The following IL15 variants were observed in gnomAD, a reference collection of about 807,000 sequenced individuals.
IL15 encodes the protein interleukin-15.
Under a neutral mutation model 19.6 loss-of-function variants are expected in IL15, and 11 were observed. The observed-to-expected ratio is 0.56, with a 90% CI of 0.35 to 0.93. The LOEUF (loss-of-function observed/expected upper bound fraction) is 0.93. IL15 is among the 40% of genes least tolerant of loss of function. The pLI is 0.01. For synonymous variants in IL15, 58 were observed against 59.6 expected, an observed-to-expected ratio of 0.97 and a Z score of 0.12; for missense variants, 197 against 186.5, an observed-to-expected ratio of 1.06 and a Z score of -0.33.
intron 7 of IL15, among the ~76,000 whole-genome samples, chr4:141,731,740 A>C (rs35514738): frequency 0.11 from 16,883 of 152,292 alleles, 1,553 homozygotes; most frequent in East Asian, 0.41. Flanking sequence ...GAAATATGAC[A>C]GTGCTTGGCA....
chr4:141,680,513 ATAAAG>A (rs1318380263), intron 2 of IL15, among the ~76,000 whole-genome samples: 5 of 152,146 alleles, frequency 3.3e-5, no homozygotes, highest in East Asian at 3.9e-4. Context: ...TGTCTTGGCT[ATAAAG>A]TAAAGTTCCA....
intron 3 of IL15, 95 bp downstream of exon 3, chr4:141,719,571 CA>C: frequency 1.0e-6 from 1 of 1,000,810 alleles, no homozygotes; most frequent in Non-Finnish European, 1.5e-6. Context: ...GGTTATTCTC[CA>C]AAGATCTTGA....
chr4:141,695,415 C>CT (rs1374643028), intron 2 of IL15, among the ~76,000 whole-genome samples: 1 of 149,518 alleles, frequency 6.7e-6, no homozygotes, highest in Non-Finnish European at 1.5e-5. Flanking sequence ...ACACTTCATT[C>CT]TTTTTATGAC....
intron 2 of IL15, among the ~76,000 whole-genome samples, chr4:141,669,730 G>A (rs563078628): frequency 1.3e-5 from 2 of 151,172 alleles, no homozygotes; most frequent in East Asian, 1.9e-4. Context: ...AAAATATTTC[G>A]GTCTTTGTGG....
chr4:141,673,502 G>T (rs1728242117), intron 2 of IL15, among the ~76,000 whole-genome samples: 1 of 151,992 alleles, frequency 6.6e-6, no homozygotes, highest in South Asian at 2.1e-4. Flanking sequence ...TACCTACTTT[G>T]ACTATATCTT....
At chr4:141,671,206 C>G (rs745704563) in intron 2 of IL15, among the ~76,000 whole-genome samples, 12 of 152,144 alleles carry the variant, frequency 7.9e-5, no homozygotes, top group Non-Finnish European at 1.6e-4. Context: ...TGTGGGAACA[C>G]TTATTACTTA....
In IL15 at chr4:141,733,856, CA is replaced by C. The variant is rs1299501088; in HGVS notation, c.*1009del. ...AAAAACCCTGTTGATTTGTTGGAGC[CA>C]TTGTTATCTGACAGAAAATAATTGT... On this transcript the variant is annotated 3_prime_UTR_variant, in exon 8 of 8. Transcript: ENST00000320650. 2 of 152,086 alleles carry C rather than the reference CA, an allele frequency of 1.3e-5. No individual in the cohort carries two copies. The highest frequency in any genetic ancestry group is 2.9e-5 in the Non-Finnish European group (2 of 68,006). The allele number at this position is 152,086 out of a possible 1,614,324, so 9.4% of individuals were successfully genotyped here.
At chr4:141,723,206 A>G (rs933953718) in intron 5 of IL15, among the ~76,000 whole-genome samples, 1 of 152,216 alleles carries the variant, frequency 6.6e-6, no homozygotes, top group Non-Finnish European at 1.5e-5. Context: ...AATGGGTTGA[A>G]TAGTGTCCCC....
rs1726925752 is a variant in IL15, at chr4:141,638,212, A to G, written c.-222+1464A>G. Among the ~76,000 whole-genome samples the G allele has an allele frequency of 2.0e-5, 3 of 152,220 alleles. No homozygotes were observed. The South Asian group carries it at 6.2e-4, about 32-fold the overall frequency. ...AGACATATAAAGAGAAGAACTGAAA[A>G]TACAGCAAAAGCCATTTAGATTTAA... On this transcript the variant is annotated intron_variant, in intron 1 of 7. Coordinates refer to ENST00000320650, the MANE Select transcript of IL15 (RefSeq NM_000585.5).
chr4:141,671,263 A>C (rs954820560), intron 2 of IL15, among the ~76,000 whole-genome samples: 1 of 152,178 alleles, frequency 6.6e-6, no homozygotes, highest in Non-Finnish European at 1.5e-5. Context: ...CCAGATAATA[A>C]TAATAATACA....
At chr4:141,682,991 CT>C (rs1412959936) in intron 2 of IL15, among the ~76,000 whole-genome samples, 1 of 151,970 alleles carries the variant, frequency 6.6e-6, no homozygotes, top group African/African-American at 2.4e-5. Flanking sequence ...ACAATAGGGG[CT>C]GGGTGCGGTG....
chr4:141,642,939 A>G (rs1294507499), intron 1 of IL15, among the ~76,000 whole-genome samples: 1 of 152,228 alleles, frequency 6.6e-6, no homozygotes, highest in African/African-American at 2.4e-5. Flanking sequence ...TGACTTCAGC[A>G]TGAGTCAATC....
At chr4:141,688,302 A>G (rs1366150040) in intron 2 of IL15, among the ~76,000 whole-genome samples, 1 of 152,192 alleles carries the variant, frequency 6.6e-6, no homozygotes, top group Non-Finnish European at 1.5e-5. Context: ...CCAGTCTCAG[A>G]GTCTCATTCT....
At chr4:141,649,696 A>T (rs1235995855) in intron 1 of IL15, among the ~76,000 whole-genome samples, 1 of 152,068 alleles carries the variant, frequency 6.6e-6, no homozygotes, top group South Asian at 2.1e-4. Flanking sequence ...ACATAACACA[A>T]CAGTAAAACA....
At chr4:141,729,221 G>A (rs1730369905) in intron 6 of IL15, among the ~76,000 whole-genome samples, 1 of 152,068 alleles carries the variant, frequency 6.6e-6, no homozygotes, top group Non-Finnish European at 1.5e-5. Flanking sequence ...AGGACACAAA[G>A]TCAAATAATG....
intron 2 of IL15, among the ~76,000 whole-genome samples, chr4:141,708,112 A>G (rs1022416562): frequency 1.3e-5 from 2 of 152,194 alleles, no homozygotes; most frequent in African/African-American, 4.8e-5. Context: ...GTGCAGGCAC[A>G]TACATGCTCA....
In IL15 at chr4:141,720,870, A is replaced by T; in HGVS notation, c.110+304A>T. 1.7e-5 allele frequency: 9 copies of T among 532,896 alleles called. No homozygotes were observed. In the South Asian group the frequency reaches 2.0e-4, roughly 12 times the overall value. The allele number at this position is 532,896 out of a possible 1,614,324, so 33.0% of individuals were successfully genotyped here. On this transcript the variant is annotated intron_variant, in intron 4 of 7. Coordinates refer to ENST00000320650, the MANE Select transcript of IL15 (RefSeq NM_000585.5). ...GATAGACTACATATTTTTCATGGCA[A>T]TTAAAAGTAGATATTTAGAATTTGC...
chr4:141,654,736 A>G (rs1727532138), intron 1 of IL15, among the ~76,000 whole-genome samples: 4 of 152,192 alleles, frequency 2.6e-5, no homozygotes. Context: ...GCTTTCAAGT[A>G]TGTGTTACTT....
At chr4:141,636,982 C>A (rs1490776733) in intron 1 of IL15, 1 of 152,288 alleles carries the variant, frequency 6.6e-6, no homozygotes, top group Non-Finnish European at 1.5e-5. Flanking sequence ...CTCCCGCTTC[C>A]GGAGGAGCGC....
Sources: gnomAD v4.1 joint callset for allele counts (sites outside exome capture counted in the v4.1 genomes callset) on GRCh38, gnomAD v4.1.1 for gene constraint, MANE v1.5 for transcripts, NCBI Gene and HGNC (gene_info 2026-07-23, HGNC 2026-07-21) for gene names.